SPIN1: variants seen among roughly 807,000 people sequenced by gnomAD.
SPIN1 encodes spindlin 1.
SPIN1 carries 3 observed loss-of-function variants against 26.0 expected under a neutral mutation model. That is an observed-to-expected ratio of 0.12 (90% CI 0.05 to 0.30). SPIN1 has a LOEUF of 0.30. SPIN1 is among the 10% of genes least tolerant of loss of function. The probability of loss-of-function intolerance (pLI) is 1.00; values close to 1 mark genes in which losing one functional copy is unlikely to be tolerated. For synonymous variants in SPIN1, 101 were observed against 116.5 expected, an observed-to-expected ratio of 0.87 and a Z score of 0.86; for missense variants, 126 against 333.4, an observed-to-expected ratio of 0.38 and a Z score of 4.84.
intron 1 of SPIN1, among the ~76,000 whole-genome samples, chr9:88,405,260 GCT>G (rs1486276057): frequency 1.3e-5 from 2 of 151,954 alleles, no homozygotes; most frequent in Non-Finnish European, 2.9e-5. Flanking sequence ...ACAGGGTCTC[GCT>G]CTGTCTCCCA....
chr9:88,461,831 A>G (rs1441995928), intron 3 of SPIN1, among the ~76,000 whole-genome samples: 3 of 152,246 alleles, frequency 2.0e-5, no homozygotes, highest in Non-Finnish European at 2.9e-5. Context: ...ATAAGCCAGA[A>G]AAAAAGTAGT....
chr9:88,451,544 T>C (rs948515548), intron 3 of SPIN1, among the ~76,000 whole-genome samples: 1 of 152,152 alleles, frequency 6.6e-6, no homozygotes, highest in Non-Finnish European at 1.5e-5. Context: ...GCATTAAAAG[T>C]ACGTCTGTTT....
In SPIN1 at chr9:88,472,515, A is replaced by G. The variant is rs184382489; in HGVS notation, c.590-2563A>G. ...ACTTTTTATTTATTTATTTTTTGAG[A>G]TGGAGTCTTGCTCTGTTGCCAGGCT... is the stretch of plus-strand genomic sequence containing the variant. On this transcript the variant is annotated intron_variant, in intron 5 of 5. Transcript: ENST00000375859. 1.9e-4 allele frequency among the ~76,000 whole-genome samples: 28 copies of G among 151,034 alleles called. No homozygotes were observed. The East Asian group carries it at 5.3e-3, about 29-fold the overall frequency.
At chr9:88,393,687 CATT>C (rs938221285) in intron 1 of SPIN1, among the ~76,000 whole-genome samples, 36 of 151,994 alleles carry the variant, frequency 2.4e-4, no homozygotes, top group African/African-American at 8.5e-4. Context: ...GATCTCTTGA[CATT>C]GTGATCTGCC....
chr9:88,427,877 G>A (rs1354722065), intron 2 of SPIN1, among the ~76,000 whole-genome samples: 1 of 152,176 alleles, frequency 6.6e-6, no homozygotes, highest in Non-Finnish European at 1.5e-5. Flanking sequence ...GGGATTACAG[G>A]TGTGAGCCAC....
chr9:88,397,310 G>A (rs754897491), intron 1 of SPIN1, among the ~76,000 whole-genome samples: 3 of 151,962 alleles, frequency 2.0e-5, no homozygotes, highest in African/African-American at 7.2e-5. Context: ...GTCATTAGGT[G>A]GTGCATGACT....
Position 88,426,648 on chromosome 9 carries a change from A to G in SPIN1, c.52+57A>G, listed in dbSNP as rs182760356. 59 of 1,482,584 alleles carry G rather than the reference A, an allele frequency of 4.0e-5. No individual in the cohort carries two copies. In the East Asian group the frequency reaches 1.4e-3, roughly 36 times the overall value. 91.8% of individuals were successfully genotyped at this position (1,482,584 alleles called of 1,614,324 possible). A position where few individuals can be genotyped will look rare whatever the true frequency, so the allele number is the denominator to read the frequency against. On this transcript the variant is annotated intron_variant, in intron 2 of 5. Coordinates refer to ENST00000375859, the MANE Select transcript of SPIN1 (RefSeq NM_006717.3). ...ATATACTTTAATATAATTCATTTCA[A>G]ACAAGTGTAAAATTGGGTACTTTCA...
intron 5 of SPIN1, among the ~76,000 whole-genome samples, chr9:88,472,272 T>C (rs1162667875): frequency 6.6e-6 from 1 of 152,188 alleles, no homozygotes; most frequent in East Asian, 1.9e-4. Context: ...TTAACAAGAC[T>C]TTATAAGTCT....
At chr9:88,399,354 G>T (rs1476703879) in intron 1 of SPIN1, among the ~76,000 whole-genome samples, 1 of 152,168 alleles carries the variant, frequency 6.6e-6, no homozygotes, top group African/African-American at 2.4e-5. Context: ...CTGTCAGGCT[G>T]TTGTCTTTGT....
chr9:88,448,966 G>A lies in SPIN1; in HGVS notation c.78G>A (p.Met26Ile). Reference protein sequence around the residue: ...DAGHAGVSANMMKKRTSHKKH... With the variant: ...DAGHAGVSANIMKKRTSHKKH... ...GCCATGCTGGAGTATCTGCCAACAT[G>A]ATGAAGAAGAGGACATCCCACAAGT... Residue 26 changes from methionine to isoleucine, a missense_variant, in exon 3 of 6, where the codon ATG (methionine) becomes ATA (isoleucine). By Grantham distance (10) the Met-to-Ile change is conservative. Around this residue, in one of 7 missense-constraint regions of SPIN1, gnomAD observed 63 missense variants for 101.3 expected, o/e 0.62. Coordinates refer to ENST00000375859, the MANE Select transcript of SPIN1 (RefSeq NM_006717.3). 2 of 1,612,750 alleles carry A rather than the reference G, an allele frequency of 1.2e-6. No individual in the cohort carries two copies. Among genetic ancestry groups the A allele is most frequent in the Non-Finnish European group, 1.7e-6 (2 of 1,179,762 alleles).
chr9:88,418,976 TC>T (rs1827623678), intron 1 of SPIN1: 1 of 152,154 alleles, frequency 6.6e-6, no homozygotes, highest in Non-Finnish European at 1.5e-5. Context: ...AATTTTTTGA[TC>T]TCCTTTGAGA....
chr9:88,440,737 G>A lies in SPIN1; in HGVS notation c.53-8204G>A, dbSNP rs543792475. 5.9e-5 allele frequency among the ~76,000 whole-genome samples: 9 copies of A among 151,566 alleles called. No individual in the cohort carries two copies. In the South Asian group the frequency reaches 1.0e-3, roughly 17 times the overall value. On this transcript the variant is annotated intron_variant, in intron 2 of 5. Coordinates refer to ENST00000375859, the MANE Select transcript of SPIN1 (RefSeq NM_006717.3). ...GGGACTACACGATGCACGCCACCAC[G>A]CCAAGCTATTTCTTGTATTTTTGTA...
chr9:88,408,224 G>T (rs1418229627), intron 1 of SPIN1, among the ~76,000 whole-genome samples: 2 of 151,126 alleles, frequency 1.3e-5, no homozygotes, highest in Non-Finnish European at 2.9e-5. Flanking sequence ...CATTAGTTTC[G>T]AAAAGTTGAC....
intron 1 of SPIN1, among the ~76,000 whole-genome samples, chr9:88,423,479 C>A (rs187576840): frequency 6.6e-6 from 1 of 152,122 alleles, no homozygotes; most frequent in East Asian, 1.9e-4. Context: ...TGCTCTGTCA[C>A]CCAGGCTGTA....
chr9:88,462,236 T>TA (rs1007431449), intron 3 of SPIN1, among the ~76,000 whole-genome samples: 50 of 152,342 alleles, frequency 3.3e-4, no homozygotes, highest in Admixed American at 3.0e-3. Context: ...TGCTATTGAC[T>TA]AGTAGTTTTT....
At chr9:88,406,031 G>C (rs892495721) in intron 1 of SPIN1, among the ~76,000 whole-genome samples, 1 of 149,058 alleles carries the variant, frequency 6.7e-6, no homozygotes. Context: ...GTGTGTGTGT[G>C]TGTGTGTGTG....
At chr9:88,464,401 A>G (rs959875392) in intron 4 of SPIN1, among the ~76,000 whole-genome samples, 2 of 152,246 alleles carry the variant, frequency 1.3e-5, no homozygotes, top group African/African-American at 4.8e-5. Flanking sequence ...ACATTAGAGT[A>G]TAATTAAAAT....
intron 1 of SPIN1, chr9:88,411,307 C>G: frequency 7.3e-7 from 1 of 1,372,896 alleles, no homozygotes. Flanking sequence ...CCCTGGAGCA[C>G]TTGGTGTTTG....
intron 2 of SPIN1, among the ~76,000 whole-genome samples, chr9:88,436,235 T>C (rs1222398560): frequency 6.6e-6 from 1 of 152,162 alleles, no homozygotes; most frequent in African/African-American, 2.4e-5. Context: ...GCGCCTGACT[T>C]TCTAGCTCAG....
Sources: gnomAD v4.1 joint callset for allele counts (sites outside exome capture counted in the v4.1 genomes callset) on GRCh38, gnomAD v4.1.1 for gene constraint, gnomAD v4.1.1 regional missense constraint, MANE v1.5 for transcripts, NCBI Gene and HGNC (gene_info 2026-07-23, HGNC 2026-07-21) for gene names.